The following BUB1 variants were observed in gnomAD, a reference collection of about 807,000 sequenced individuals.
BUB1 encodes mitotic checkpoint serine/threonine-protein kinase BUB1.
In BUB1, 84 loss-of-function variants were observed where a neutral mutation model predicts 135.2. The ratio of observed to expected loss-of-function variants is 0.62; its 90% CI spans 0.52 to 0.74. BUB1 has a LOEUF of 0.74. Among genes scored for constraint, BUB1 ranks in the 30% least tolerant of loss-of-function variants. BUB1 has a pLI of 0.00. For missense variants in BUB1, 1,162 were observed against 1,288.3 expected, an observed-to-expected ratio of 0.90 and a Z score of 1.50; for synonymous variants, 403 against 434.4, an observed-to-expected ratio of 0.93 and a Z score of 0.90.
intron 9 of BUB1, among the ~76,000 whole-genome samples, chr2:110,664,023 T>A (rs1280143558): frequency 3.4e-5 from 4 of 116,452 alleles, no homozygotes; most frequent in African/African-American, 1.0e-4. Flanking sequence ...TGAGACTCCA[T>A]CTCAAAAAAA....
intron 8 of BUB1, among the ~76,000 whole-genome samples, chr2:110,666,975 C>T (rs897979709): frequency 9.2e-5 from 14 of 152,142 alleles, no homozygotes; most frequent in Admixed American, 6.5e-5. Flanking sequence ...AAAATGAGTC[C>T]TCTGTGTTAA....
intron 19 of BUB1, among the ~76,000 whole-genome samples, chr2:110,645,300 G>A (rs1429886289): frequency 6.6e-6 from 1 of 151,992 alleles, no homozygotes; most frequent in Admixed American, 6.6e-5. Flanking sequence ...TGGGCGTGGT[G>A]GTGTGCGCCT....
At chr2:110,646,136 T>C (rs1187874292) in intron 19 of BUB1, among the ~76,000 whole-genome samples, 1 of 124,620 alleles carries the variant, frequency 8.0e-6, no homozygotes, top group Non-Finnish European at 1.6e-5. Context: ...GTTCGAGACC[T>C]GGGCAACATA....
intron 16 of BUB1, 29 bp from the exon 17 acceptor site, chr2:110,653,552 T>C: frequency 1.3e-6 from 2 of 1,579,920 alleles, no homozygotes; most frequent in Non-Finnish European, 1.7e-6. Flanking sequence ...AGAGACAAGA[T>C]ATGTTAGATG....
rs755390207 is a variant in BUB1 at position 110,672,759 on chromosome 2, A to C, written c.324T>G (p.His108Gln). 2 of 1,614,188 alleles carry C rather than the reference A, an allele frequency of 1.2e-6. No individual in the cohort carries two copies. Among genetic ancestry groups the C allele is most frequent in the Admixed American group, 3.3e-5 (2 of 60,020 alleles). ...SSPLYIAWAG[H>Q]LEAQGELQHA... ...GCTGCAGCTCTCCTTGGGCTTCCAG[A>C]TGCCCCGCCCAGGCAATGTACAGAG... The change falls in exon 4 of 25, where the codon CAT becomes CAG. Residue 108 changes from histidine to glutamine, a missense_variant. By Grantham distance (24) the His-to-Gln change is conservative. Transcript: ENST00000302759.
At position 110,673,128 on chromosome 2, in the gene BUB1, C is replaced by T. The variant is rs76479037; in HGVS notation, c.226-271G>A. On this transcript the variant is annotated intron_variant, in intron 3 of 24. Coordinates refer to ENST00000302759, the MANE Select transcript of BUB1 (RefSeq NM_004336.5). ...AAGGCACCTCCATAAAAACCCAAAA[C>T]GATAGAGCTTAGACAAGCTTCTGGA... Among the ~76,000 whole-genome samples, 681 of 152,274 alleles carry T rather than the reference C, an allele frequency of 4.5e-3. 9 individuals are homozygous for T. Among genetic ancestry groups the T allele is most frequent in the African/African-American group, 0.016 (653 of 41,554 alleles).
At chr2:110,666,084 T>C (rs1690244230) in intron 9 of BUB1, 179 bp downstream of exon 9, 3 of 516,106 alleles carry the variant, frequency 5.8e-6, no homozygotes, top group East Asian at 7.0e-5. Flanking sequence ...CATTCTGTTT[T>C]GTAACTTTCC....
chr2:110,653,498 G>A lies in BUB1; in HGVS notation c.1902C>T (p.Thr634=), dbSNP rs1455261901. Residue 634 remains threonine, a synonymous_variant, in exon 17 of 25, where the codon ACC becomes ACT. Coordinates refer to ENST00000302759, the MANE Select transcript of BUB1 (RefSeq NM_004336.5). ...DKENVVAKQC[T]QATLDSCEEN... ...CCTCACAAGAATCCAAAGTCGCCTG[G>A]GTACACTGTTTTGCTACCACATTTT... is the stretch of plus-strand genomic sequence containing the variant. 1 of 1,613,738 alleles carries A rather than the reference G, an allele frequency of 6.2e-7. No homozygotes were observed. The highest frequency in any genetic ancestry group is 8.5e-7 in the Non-Finnish European group (1 of 1,179,882).
intron 5 of BUB1, among the ~76,000 whole-genome samples, chr2:110,670,278 A>G (rs187222266): frequency 5.3e-4 from 80 of 151,918 alleles, no homozygotes; most frequent in Admixed American, 2.2e-3. Flanking sequence ...AGCCAGGACT[A>G]CAGATGCCCA....
intron 15 of BUB1, 146 bp downstream of exon 15, chr2:110,656,890 G>A (rs776826315): frequency 2.0e-6 from 1 of 491,360 alleles, no homozygotes; most frequent in Non-Finnish European, 3.5e-6. Flanking sequence ...ATTAAATAAT[G>A]TCCTAAAAGA....
intron 19 of BUB1, among the ~76,000 whole-genome samples, chr2:110,642,955 G>A (rs1399951683): frequency 6.6e-6 from 1 of 152,184 alleles, no homozygotes; most frequent in Non-Finnish European, 1.5e-5. Context: ...GCCTCCCAAA[G>A]TGTTGGGATT....
At chr2:110,657,735 T>A in intron 13 of BUB1, 90 bp from the exon 14 acceptor site, 1 of 901,104 alleles carries the variant, frequency 1.1e-6, no homozygotes, top group Non-Finnish European at 1.6e-6. Context: ...GAAAAAGGAC[T>A]AACAGCTGAC....
At chr2:110,654,890 C>T (rs1002297970) in intron 16 of BUB1, among the ~76,000 whole-genome samples, 3 of 152,080 alleles carry the variant, frequency 2.0e-5, no homozygotes, top group South Asian at 2.1e-4. Flanking sequence ...ATTTTAAAAG[C>T]GTGAGCAATG....
Position 110,657,634 on chromosome 2 carries a change from A to C in BUB1, c.1528T>G (p.Ser510Ala). 6.3e-7 allele frequency: 1 copy of C among 1,577,292 alleles called. No individual in the cohort carries two copies. The highest frequency in any genetic ancestry group is 8.6e-7 in the Non-Finnish European group (1 of 1,161,936). ...TTATTGACTCCCCAAGCCCCAGATG[A>C]CCTTACATTTTCTGCAACAGAATAA... is the stretch of plus-strand genomic sequence containing the variant. ...FEAQFQKNVR[S>A]SGAWGVNKII... Residue 510 changes from serine to alanine, a missense_variant, in exon 14 of 25, where the codon TCA becomes GCA. Ser to Ala is a moderately conservative substitution (Grantham distance 99). Coordinates refer to ENST00000302759, the MANE Select transcript of BUB1 (RefSeq NM_004336.5).
At position 110,664,661 on chromosome 2, in the gene BUB1, C is replaced by A. The variant is rs1200294895; in HGVS notation, c.957+1602G>T. 2.7e-5 allele frequency among the ~76,000 whole-genome samples: 4 copies of A among 149,542 alleles called. No homozygotes were observed. The Admixed American group carries it at 2.7e-4, about 10-fold the overall frequency. On this transcript the variant is annotated intron_variant, in intron 9 of 24. Coordinates refer to ENST00000302759, the MANE Select transcript of BUB1 (RefSeq NM_004336.5). ...TAAGGAGAGATAACGACATGGGAAC[C>A]AGGGATATACCACAGGAAAGGAGCC...
chr2:110,665,953 G>C (rs1690239742), intron 9 of BUB1: 1 of 225,966 alleles, frequency 4.4e-6, no homozygotes, highest in Non-Finnish European at 8.5e-6. Context: ...AAATTATTGA[G>C]AGTACTATAC....
chr2:110,649,216 T>C lies in BUB1; in HGVS notation c.2347+18A>G. On this transcript the variant is annotated intron_variant, in intron 19 of 24. Transcript: ENST00000302759. ...GAGAAACAAGAATTTAAAGTTATAT[T>C]ATCCAAATAATTCTTACCCAATTGA... is the stretch of plus-strand genomic sequence containing the variant. 3 of 1,600,342 alleles carry C rather than the reference T, an allele frequency of 1.9e-6. No individual in the cohort carries two copies. Among genetic ancestry groups the C allele is most frequent in the Non-Finnish European group, 2.6e-6 (3 of 1,174,276 alleles).
At position 110,672,829 on chromosome 2, in the gene BUB1, A is replaced by T. The variant is rs1341170585; in HGVS notation, c.254T>A (p.Phe85Tyr). The T allele has an allele frequency of 5.6e-6, 9 of 1,608,616 alleles. No homozygotes were observed. Among genetic ancestry groups the T allele is most frequent in the Non-Finnish European group, 7.6e-6 (9 of 1,178,324 alleles). ...FAEYNSDLHQ[F>Y]FEFLYNHGIG... ...CCCATGGTTGTACAGAAACTCAAAAAATTGATGGAGGTCACTGTTGTACTC... is the reference window on the plus strand; with the variant it reads ...CCCATGGTTGTACAGAAACTCAAAATATTGATGGAGGTCACTGTTGTACTC... Residue 85 changes from phenylalanine (F) to tyrosine (Y), a missense_variant, in exon 4 of 25, where the codon TTT becomes TAT. Phe to Tyr is a conservative substitution (Grantham distance 22). Transcript: ENST00000302759.
At position 110,669,480 on chromosome 2, in the gene BUB1, A is replaced by T. The variant is rs1274639835; in HGVS notation, c.540T>A (p.Asn180Lys). Residue 180 changes from asparagine (N) to lysine (K), a missense_variant, in exon 6 of 25, where the codon AAT (asparagine) becomes AAA (lysine). Coordinates refer to ENST00000302759, the MANE Select transcript of BUB1 (RefSeq NM_004336.5). ...GATTCTTAGAAATGCAGGCCATGTT[A>T]TTTCCTGGATTTGATTTTGATGTTA... Reference protein sequence around the residue: ...QMITSKSNPGNNMACISKNQG... With the variant: ...QMITSKSNPGKNMACISKNQG... 1 of 1,602,684 alleles carries T rather than the reference A, an allele frequency of 6.2e-7. No individual in the cohort carries two copies. The highest frequency in any genetic ancestry group is 1.7e-5 in the Admixed American group (1 of 59,994).
Sources: allele counts gnomAD v4.1 joint callset (sites outside exome capture counted in the v4.1 genomes callset), GRCh38; gene constraint gnomAD v4.1.1; transcripts MANE v1.5; gene names NCBI Gene and HGNC (gene_info 2026-07-23, HGNC 2026-07-21).